TMOD3: variants seen among roughly 807,000 people sequenced by gnomAD.
TMOD3 encodes the protein tropomodulin 3, also known as tropomodulin-3.
TMOD3 carries 20 observed loss-of-function variants against 39.2 expected under a neutral mutation model. The ratio of observed to expected loss-of-function variants is 0.51; its 90% confidence interval spans 0.36 to 0.74. The LOEUF (loss-of-function observed/expected upper bound fraction) is 0.74. Ranked by LOEUF, TMOD3 falls within the 30% of genes least tolerant of loss-of-function variation. The probability of loss-of-function intolerance (pLI) is 0.00; values close to 1 mark genes in which losing one functional copy is unlikely to be tolerated. For missense variants in TMOD3, 381 were observed against 412.8 expected, an observed-to-expected ratio of 0.92 and a Z score of 0.67; for synonymous variants, 143 against 145.8, an observed-to-expected ratio of 0.98 and a Z score of 0.14.
Position 51,895,516 on chromosome 15 carries a change from G to T in TMOD3, c.628-903G>T, listed in dbSNP as rs554868544. 4.6e-5 allele frequency among the ~76,000 whole-genome samples: 7 copies of T among 151,956 alleles called. No individual in the cohort carries two copies. The East Asian group carries it at 1.4e-3, about 29-fold the overall frequency. On this transcript the variant is annotated intron_variant, in intron 6 of 9. Coordinates refer to ENST00000308580, the MANE Select transcript of TMOD3 (RefSeq NM_014547.5). ...ATTACAGGTGTGAGCCACTGCGCCC[G>T]GCCTATTTTTATTTTTTTTAATTTG...
At chr15:51,861,502 C>T (rs2056418633) in intron 1 of TMOD3, among the ~76,000 whole-genome samples, 1 of 151,970 alleles carries the variant, frequency 6.6e-6, no homozygotes, top group Non-Finnish European at 1.5e-5. Flanking sequence ...TACTGGTTTG[C>T]AGAAAAAACA....
intron 3 of TMOD3, 113 bp downstream of exon 3, chr15:51,869,486 A>G (rs1005688165): frequency 8.1e-6 from 8 of 991,596 alleles, no homozygotes; most frequent in African/African-American, 1.7e-5. Flanking sequence ...CCTTAAATAT[A>G]TGATACTGTT....
At position 51,911,249 on chromosome 15, in the gene TMOD3, T is replaced by G. The variant is rs2056710168; in HGVS notation, c.*2439T>G. ...AGGTAAGTGGGACTCTACCTAAAAT[T>G]TTGCATCATACTTATGGGTAATATC... On this transcript the variant is annotated 3_prime_UTR_variant, in exon 10 of 10. Coordinates refer to ENST00000308580, the MANE Select transcript of TMOD3 (RefSeq NM_014547.5). 1.3e-5 allele frequency: 2 copies of G among 152,184 alleles called. No homozygotes were observed. The highest frequency in any genetic ancestry group is 2.9e-5 in the Non-Finnish European group (2 of 68,042). The allele number at this position is 152,184 out of a possible 1,614,324, so 9.4% of individuals were successfully genotyped here.
chr15:51,902,125 CAG>C (rs889615063), intron 9 of TMOD3, 89 bp downstream of exon 9: 62 of 1,472,978 alleles, frequency 4.2e-5, no homozygotes, highest in Non-Finnish European at 5.3e-5. Flanking sequence ...TAAATTCTAA[CAG>C]AGAAGTTATT....
chr15:51,911,064 G>T lies in TMOD3; in HGVS notation c.*2254G>T, dbSNP rs1245675270. 1.3e-5 allele frequency: 2 copies of T among 151,954 alleles called. No individual in the cohort carries two copies. Among genetic ancestry groups the T allele is most frequent in the East Asian group, 3.9e-4 (2 of 5,182 alleles). 9.4% of individuals were successfully genotyped at this position (151,954 alleles called of 1,614,324 possible). ...GAGACTGCACAGTTCCAGCAAGATT[G>T]GGAGTCAGGCATGGAGCAGGCATCT... On this transcript the variant is annotated 3_prime_UTR_variant, in exon 10 of 10. Coordinates refer to ENST00000308580, the MANE Select transcript of TMOD3 (RefSeq NM_014547.5).
chr15:51,836,477 A>T (rs535376930), intron 1 of TMOD3, among the ~76,000 whole-genome samples: 3 of 152,276 alleles, frequency 2.0e-5, no homozygotes, highest in African/African-American at 7.2e-5. Context: ...CTATAATCCC[A>T]GCACCTTGGG....
At chr15:51,861,007 G>A (rs12908327) in intron 1 of TMOD3, 238,540 of 668,120 alleles carry the variant, frequency 0.36, 44,241 homozygotes, top group Admixed American at 0.46. Context: ...GAGGCACTTC[G>A]GAAAACACCT....
At chr15:51,869,482 A>G (rs1469185840) in intron 3 of TMOD3, 109 bp downstream of exon 3, 1 of 1,029,972 alleles carries the variant, frequency 9.7e-7, no homozygotes, top group Non-Finnish European at 1.4e-6. Flanking sequence ...GTAGCCTTAA[A>G]TATATGATAC....
At chr15:51,895,621 A>G (rs1284865231) in intron 6 of TMOD3, among the ~76,000 whole-genome samples, 1 of 152,144 alleles carries the variant, frequency 6.6e-6, no homozygotes, top group Non-Finnish European at 1.5e-5. Context: ...GTCTCAAGAT[A>G]CTACTGAGAG....
intron 9 of TMOD3, among the ~76,000 whole-genome samples, chr15:51,902,615 C>T (rs113454279): frequency 0.015 from 2,209 of 146,922 alleles, 62 homozygotes; most frequent in East Asian, 0.075. Context: ...GGACTACAGG[C>T]GTGCGCGCCG....
At chr15:51,899,710 T>A (rs1011100407) in intron 7 of TMOD3, among the ~76,000 whole-genome samples, 2 of 151,536 alleles carry the variant, frequency 1.3e-5, no homozygotes, top group African/African-American at 4.8e-5. Context: ...CATCCATGGG[T>A]TCAACCAACT....
At chr15:51,840,770 C>T (rs1039369949) in intron 1 of TMOD3, among the ~76,000 whole-genome samples, 4 of 152,076 alleles carry the variant, frequency 2.6e-5, no homozygotes, top group Non-Finnish European at 4.4e-5. Context: ...TATTGAATTG[C>T]CTTCTGAGAT....
At position 51,913,560 on chromosome 15, in the gene TMOD3, AAATG is replaced by A. The variant is rs1209209659; in HGVS notation, c.*4758_*4761del. 6.6e-6 allele frequency: 1 copy of A among 152,234 alleles called. No individual in the cohort carries two copies. Among genetic ancestry groups the A allele is most frequent in the Non-Finnish European group, 1.5e-5 (1 of 68,046 alleles). 9.4% of individuals were successfully genotyped at this position (152,234 alleles called of 1,614,324 possible). ...AGTTCTATAAGTTCTTCCCTATAAA[AAATG>A]AATGAATTAGAAATTTGATAATAAA... On this transcript the variant is annotated 3_prime_UTR_variant, in exon 10 of 10. Transcript: ENST00000308580.
chr15:51,834,213 G>GT (rs201411122), intron 1 of TMOD3, among the ~76,000 whole-genome samples: 20 of 151,420 alleles, frequency 1.3e-4, no homozygotes, highest in East Asian at 3.9e-4. Context: ...TGTGTTGACA[G>GT]TTTTTTTTTA....
At chr15:51,834,756 G>T (rs1230306371) in intron 1 of TMOD3, among the ~76,000 whole-genome samples, 2 of 152,176 alleles carry the variant, frequency 1.3e-5, no homozygotes, top group African/African-American at 4.8e-5. Context: ...ATCTGAGGGA[G>T]GTGGAGGCTA....
intron 1 of TMOD3, among the ~76,000 whole-genome samples, chr15:51,854,737 G>A (rs561961950): frequency 1.3e-5 from 2 of 152,184 alleles, no homozygotes; most frequent in Admixed American, 6.5e-5. Context: ...CCAGGTGCTG[G>A]TGCAATGATA....
chr15:51,893,294 C>CAAAAAAAAAAAAAAAA (rs59321162), intron 5 of TMOD3, among the ~76,000 whole-genome samples: 2 of 58,992 alleles, frequency 3.4e-5, no homozygotes, highest in Admixed American at 2.9e-4. Context: ...GACTCCATCT[C>CAAAAAAAAAAAAAAAA]AAAAAAAAAA....
At chr15:51,866,281 C>T (rs969984353) in intron 2 of TMOD3, among the ~76,000 whole-genome samples, 7 of 152,078 alleles carry the variant, frequency 4.6e-5, no homozygotes, top group African/African-American at 1.7e-4. Context: ...ATAGCAAGAC[C>T]TTGCCTCGAC....
rs182923018 is a variant in TMOD3, at chr15:51,914,046, T to G, written c.*5236T>G. 1 of 145,398 alleles carries G rather than the reference T, an allele frequency of 6.9e-6. No individual in the cohort carries two copies. Among genetic ancestry groups the G allele is most frequent in the East Asian group, 2.0e-4 (1 of 4,970 alleles). 9.0% of individuals were successfully genotyped at this position (145,398 alleles called of 1,614,324 possible). ...AAAAAAAAAAAAAGAGCTATACTCA[T>G]AGTACTTTGGGAGACCAAGCAGGGA... On this transcript the variant is annotated 3_prime_UTR_variant, in exon 10 of 10. Transcript: ENST00000308580.
Sources: allele counts gnomAD v4.1 joint callset (sites outside exome capture counted in the v4.1 genomes callset), GRCh38; gene constraint gnomAD v4.1.1; transcripts MANE v1.5; gene names NCBI Gene and HGNC (gene_info 2026-07-23, HGNC 2026-07-21).